MIS18A: variants seen among roughly 807,000 people sequenced by gnomAD.
MIS18A encodes protein Mis18-alpha.
In MIS18A, 14 loss-of-function variants were observed where a neutral mutation model predicts 25.0. The observed-to-expected ratio is 0.56, with a 90% CI of 0.37 to 0.88. MIS18A has a LOEUF of 0.88. Among genes scored for constraint, MIS18A ranks in the 40% least tolerant of loss-of-function variants. MIS18A has a pLI of 0.00. For missense variants in MIS18A, 292 were observed against 290.8 expected, an observed-to-expected ratio of 1.00 and a Z score of -0.03; for synonymous variants, 134 against 118.6, an observed-to-expected ratio of 1.13 and a Z score of -0.84.
At chr21:32,197,433 C>T in the MIS18A span, among the ~76,000 whole-genome samples, 16 of 152,260 alleles carry the variant, frequency 1.1e-4, no homozygotes, top group East Asian at 2.9e-3. Context: ...ATCTGACCAC[C>T]GGTTCCAGCC....
At position 32,269,810 on chromosome 21, in the gene MIS18A, T is replaced by G. The variant is rs753983913; in HGVS notation, c.525-7A>C. ...AGAGGACCCTAAAACATAACTGAAG[T>G]ACGGTACAAGGTTAAAATACAAGCT... On this transcript the variant is annotated splice_region_variant and splice_polypyrimidine_tract_variant and intron_variant, in intron 3 of 4. Transcript: ENST00000290130. 1 of 1,537,446 alleles carries G rather than the reference T, an allele frequency of 6.5e-7. No homozygotes were observed. Among genetic ancestry groups the G allele is most frequent in the Non-Finnish European group, 9.0e-7 (1 of 1,110,376 alleles).
At chr21:32,176,163 C>G in the MIS18A span, among the ~76,000 whole-genome samples, 3 of 152,142 alleles carry the variant, frequency 2.0e-5, no homozygotes, top group Admixed American at 2.0e-4. Flanking sequence ...TCTAAAATAA[C>G]TAAAAAGTAT....
the MIS18A span, among the ~76,000 whole-genome samples, chr21:32,242,936 G>A: frequency 6.6e-6 from 1 of 152,174 alleles, no homozygotes; most frequent in African/African-American, 2.4e-5. Flanking sequence ...CAGAACAAAA[G>A]AGAGCACCTG....
intron 2 of MIS18A, among the ~76,000 whole-genome samples, chr21:32,271,964 C>T (rs932190072): frequency 6.6e-6 from 1 of 152,160 alleles, no homozygotes; most frequent in Admixed American, 6.5e-5. Flanking sequence ...ATCCACTGAG[C>T]CATGAATAAG....
At chr21:32,255,966 A>G in the MIS18A span, among the ~76,000 whole-genome samples, 3 of 152,056 alleles carry the variant, frequency 2.0e-5, no homozygotes, top group Non-Finnish European at 4.4e-5. Flanking sequence ...AGCCATTTCC[A>G]TCTATTTTAT....
the MIS18A span, among the ~76,000 whole-genome samples, chr21:32,177,138 G>T: frequency 6.6e-6 from 1 of 152,092 alleles, no homozygotes; most frequent in Non-Finnish European, 1.5e-5. Context: ...CCAGATAGAC[G>T]ATGCCTGTTT....
At chr21:32,165,153 G>A in the MIS18A span, among the ~76,000 whole-genome samples, 4 of 152,126 alleles carry the variant, frequency 2.6e-5, no homozygotes, top group Non-Finnish European at 5.9e-5. Flanking sequence ...GACCAACATG[G>A]AGAAACCCTG....
the MIS18A span, among the ~76,000 whole-genome samples, chr21:32,212,509 A>C: frequency 1.3e-5 from 2 of 152,164 alleles, no homozygotes; most frequent in African/African-American, 2.4e-5. Flanking sequence ...TGAAGGGGGA[A>C]GTAGGGGTGC....
chr21:32,240,249 G>C, the MIS18A span, among the ~76,000 whole-genome samples: 1 of 152,254 alleles, frequency 6.6e-6, no homozygotes, highest in South Asian at 2.1e-4. Flanking sequence ...CAACATGGTG[G>C]TACTGGAATG....
chr21:32,207,779 G>C, the MIS18A span, among the ~76,000 whole-genome samples: 1 of 152,082 alleles, frequency 6.6e-6, no homozygotes, highest in Non-Finnish European at 1.5e-5. Flanking sequence ...TATTAATGCA[G>C]GATATTACAT....
At chr21:32,269,673 A>G (rs749067359) in intron 4 of MIS18A, 34 bp downstream of exon 4, 1 of 1,311,468 alleles carries the variant, frequency 7.6e-7, no homozygotes, top group East Asian at 2.3e-5. Context: ...CAAACTGTTC[A>G]TACAAAGATA....
the MIS18A span, among the ~76,000 whole-genome samples, chr21:32,174,321 G>A: frequency 6.6e-6 from 1 of 152,072 alleles, no homozygotes; most frequent in Non-Finnish European, 1.5e-5. Flanking sequence ...CTTATAAGAT[G>A]CTCTGTATAG....
the MIS18A span, among the ~76,000 whole-genome samples, chr21:32,248,174 T>C: frequency 6.6e-6 from 1 of 152,184 alleles, no homozygotes; most frequent in Admixed American, 6.5e-5. Context: ...GAAATTCCCT[T>C]TCTTGGTTAT....
the MIS18A span, among the ~76,000 whole-genome samples, chr21:32,247,223 A>G: frequency 6.6e-6 from 1 of 152,008 alleles, no homozygotes; most frequent in Non-Finnish European, 1.5e-5. Context: ...TCTCTTACCT[A>G]CTTGGTAAGC....
At chr21:32,191,646 G>A in the MIS18A span, among the ~76,000 whole-genome samples, 69 of 152,324 alleles carry the variant, frequency 4.5e-4, no homozygotes, top group Non-Finnish European at 7.1e-4. Flanking sequence ...GCTCACGGCT[G>A]TAATCCCAGC....
At chr21:32,236,942 C>A in the MIS18A span, among the ~76,000 whole-genome samples, 1 of 152,074 alleles carries the variant, frequency 6.6e-6, no homozygotes, top group African/African-American at 2.4e-5. Context: ...GCAGTGATAC[C>A]TTCTTAGGGA....
the MIS18A span, among the ~76,000 whole-genome samples, chr21:32,177,594 G>T: frequency 1.1e-4 from 17 of 152,022 alleles, no homozygotes; most frequent in Non-Finnish European, 1.9e-4. Flanking sequence ...AAGGTCATTG[G>T]ATATAAGGTC....
the MIS18A span, among the ~76,000 whole-genome samples, chr21:32,160,054 T>G: frequency 1.3e-5 from 2 of 152,220 alleles, no homozygotes; most frequent in African/African-American, 4.8e-5. Flanking sequence ...CCAGAGACTT[T>G]GCAGGGCAAT....
the MIS18A span, among the ~76,000 whole-genome samples, chr21:32,177,741 A>G: frequency 6.6e-6 from 1 of 152,088 alleles, no homozygotes; most frequent in Non-Finnish European, 1.5e-5. Context: ...TACAGAAACT[A>G]CAAAACTAAT....
Sources: allele counts gnomAD v4.1 joint callset (sites outside exome capture counted in the v4.1 genomes callset), GRCh38; gene constraint gnomAD v4.1.1; transcripts MANE v1.5; gene names NCBI Gene and HGNC (gene_info 2026-07-23, HGNC 2026-07-21).